Variants in EPB41L3 observed in about 807,000 individuals in gnomAD.
EPB41L3 encodes band 4.1-like protein 3.
EPB41L3 carries 57 observed loss-of-function variants against 127.1 expected under a neutral mutation model. That is an observed-to-expected ratio of 0.45 (90% CI 0.36 to 0.56). The LOEUF is 0.56. EPB41L3 is among the 20% of genes least tolerant of loss of function. The pLI, the probability that EPB41L3 is intolerant of heterozygous loss-of-function variation, is 0.00. For synonymous variants in EPB41L3, 572 were observed against 549.5 expected (o/e 1.04, Z -0.57); for missense variants, 1,273 against 1,372.2 (o/e 0.93, Z 1.14).
At chr18:5,540,552 A>G (rs909861101) in intron 1 of EPB41L3, 26 of 985,478 alleles carry the variant, frequency 2.6e-5, no homozygotes, top group African/African-American at 1.2e-4. Context: ...GGCAAATCAA[A>G]TAACAGCAGA....
At chr18:5,612,598 G>T (rs976128989) in intron 2 of EPB41L3, among the ~76,000 whole-genome samples, 3 of 152,188 alleles carry the variant, frequency 2.0e-5, no homozygotes, top group Non-Finnish European at 4.4e-5. Context: ...TGTATTGGCC[G>T]AAGAGAACCC....
At chr18:5,583,962 C>A (rs2094419679) in intron 3 of EPB41L3, among the ~76,000 whole-genome samples, 1 of 152,154 alleles carries the variant, frequency 6.6e-6, no homozygotes, top group Non-Finnish European at 1.5e-5. Flanking sequence ...GCATGCGCCA[C>A]CACACCAAGC....
At chr18:5,491,328 C>A (rs1034636795) in intron 1 of EPB41L3, among the ~76,000 whole-genome samples, 1 of 152,140 alleles carries the variant, frequency 6.6e-6, no homozygotes, top group African/African-American at 2.4e-5. Flanking sequence ...TGACGTAAGG[C>A]AGAAATCAAC....
chr18:5,412,593 TCTC>T (rs1312263093), intron 13 of EPB41L3, among the ~76,000 whole-genome samples: 1 of 152,176 alleles, frequency 6.6e-6, no homozygotes, highest in African/African-American at 2.4e-5. Flanking sequence ...TGAAAGTGCT[TCTC>T]CTCCTATTTA....
intron 13 of EPB41L3, among the ~76,000 whole-genome samples, chr18:5,412,084 T>C (rs1350219418): frequency 6.6e-6 from 1 of 152,168 alleles, no homozygotes; most frequent in Non-Finnish European, 1.5e-5. Flanking sequence ...CTGTACCGAG[T>C]GACAGCCCTG....
intron 1 of EPB41L3, among the ~76,000 whole-genome samples, chr18:5,507,234 AAC>A (rs2092267459): frequency 6.6e-6 from 1 of 151,968 alleles, no homozygotes; most frequent in Non-Finnish European, 1.5e-5. Flanking sequence ...CACAAACACA[AAC>A]ACACACACAT....
intron 1 of EPB41L3, among the ~76,000 whole-genome samples, chr18:5,524,514 G>T (rs1417869297): frequency 6.6e-6 from 1 of 152,120 alleles, no homozygotes; most frequent in Non-Finnish European, 1.5e-5. Context: ...AACTACTATA[G>T]TACACAGCTA....
At chr18:5,417,513 T>C (rs2076972472) in intron 12 of EPB41L3, among the ~76,000 whole-genome samples, 1 of 152,240 alleles carries the variant, frequency 6.6e-6, no homozygotes, top group Non-Finnish European at 1.5e-5. Context: ...TGAAAGTAAT[T>C]AGACTTCTGC....
intron 3 of EPB41L3, among the ~76,000 whole-genome samples, chr18:5,579,003 C>T (rs2094364682): frequency 6.6e-6 from 1 of 152,050 alleles, no homozygotes; most frequent in Admixed American, 6.6e-5. Flanking sequence ...GTGAAGACAC[C>T]CACATGCTTA....
At chr18:5,423,605 A>G (rs1339314619) in intron 10 of EPB41L3, 52 bp from the exon 11 acceptor site, 6 of 1,500,980 alleles carry the variant, frequency 4.0e-6, no homozygotes, top group Non-Finnish European at 5.4e-6. Context: ...CAATATTGAG[A>G]GTGCTTTTTA....
intron 3 of EPB41L3, among the ~76,000 whole-genome samples, chr18:5,476,161 A>G (rs1330046389): frequency 6.6e-6 from 1 of 152,158 alleles, no homozygotes; most frequent in Non-Finnish European, 1.5e-5. Flanking sequence ...ACTGAACTTT[A>G]CCATGTCCAA....
Position 5,430,174 on chromosome 18 carries a change from T to C in EPB41L3, c.913-1709A>G, listed in dbSNP as rs117648814. ...CCTTCATGAGGAAGATGAAGAAGGC[T>C]CCGATGCCTCCTCTTCTTGTCCCCT... On this transcript the variant is annotated intron_variant, in intron 8 of 22. Transcript: ENST00000341928. 7.8e-3 allele frequency among the ~76,000 whole-genome samples: 1,181 copies of C among 152,324 alleles called. 8 individuals carry two copies. Among genetic ancestry groups the C allele is most frequent in the Middle Eastern group, 0.051 (15 of 294 alleles).
chr18:5,507,810 C>T (rs2092301925), intron 1 of EPB41L3, among the ~76,000 whole-genome samples: 1 of 152,114 alleles, frequency 6.6e-6, no homozygotes, highest in Non-Finnish European at 1.5e-5. Flanking sequence ...TGAAATATTA[C>T]CTCCTCCTTT....
chr18:5,532,738 G>T (rs1292941874), intron 1 of EPB41L3, among the ~76,000 whole-genome samples: 1 of 152,142 alleles, frequency 6.6e-6, no homozygotes, highest in East Asian at 1.9e-4. Flanking sequence ...GAGAAGACCT[G>T]GATTCATCTT....
At chr18:5,562,774 C>T (rs1462338093) in intron 3 of EPB41L3, among the ~76,000 whole-genome samples, 1 of 152,178 alleles carries the variant, frequency 6.6e-6, no homozygotes, top group Non-Finnish European at 1.5e-5. Context: ...GATGTCTCAT[C>T]CCCCCACACT....
intron 3 of EPB41L3, among the ~76,000 whole-genome samples, chr18:5,592,487 C>T (rs996184413): frequency 1.3e-5 from 2 of 152,208 alleles, no homozygotes; most frequent in African/African-American, 2.4e-5. Flanking sequence ...TGCTAACTGG[C>T]TGTGGCAGGA....
At chr18:5,526,947 C>T (rs1431240733) in intron 1 of EPB41L3, among the ~76,000 whole-genome samples, 1 of 147,720 alleles carries the variant, frequency 6.8e-6, no homozygotes, top group Non-Finnish European at 1.5e-5. Flanking sequence ...TGAATAGAGA[C>T]AGTGAAAATG....
intron 1 of EPB41L3, among the ~76,000 whole-genome samples, chr18:5,508,449 C>T (rs892984520): frequency 6.6e-6 from 1 of 152,000 alleles, no homozygotes; most frequent in African/African-American, 2.4e-5. Context: ...TCCTTATCAC[C>T]ATGTATCTGC....
chr18:5,608,524 A>T (rs1289822762), intron 3 of EPB41L3, among the ~76,000 whole-genome samples: 1 of 152,146 alleles, frequency 6.6e-6, no homozygotes, highest in Admixed American at 6.6e-5. Context: ...TATTTTTAGG[A>T]TGAGAGATTT....
Sources: allele counts gnomAD v4.1 joint callset (sites outside exome capture counted in the v4.1 genomes callset), GRCh38; gene constraint gnomAD v4.1.1; transcripts MANE v1.5; gene names NCBI Gene and HGNC (gene_info 2026-07-23, HGNC 2026-07-21).